The following PAX5 variants were observed in gnomAD, a reference collection of about 807,000 sequenced individuals.
PAX5 encodes paired box protein Pax-5.
A neutral mutation model predicts 43.7 loss-of-function variants in PAX5; 9 were observed. The ratio of observed to expected loss-of-function variants is 0.21; its 90% CI spans 0.12 to 0.36. PAX5 has a LOEUF of 0.36. PAX5 is among the 10% of genes least tolerant of loss of function. PAX5 has a pLI of 1.00. For synonymous variants in PAX5, 228 were observed against 214.3 expected, an observed-to-expected ratio of 1.06 and a Z score of -0.56; for missense variants, 383 against 532.7, an observed-to-expected ratio of 0.72 and a Z score of 2.77.
chr9:36,841,807 C>G (rs78531207), intron 9 of PAX5, among the ~76,000 whole-genome samples: 2 of 152,214 alleles, frequency 1.3e-5, no homozygotes, highest in Non-Finnish European at 2.9e-5. Context: ...ATGGGGCAAA[C>G]GCCAGCCTGA....
At chr9:36,875,239 C>G (rs1204912136) in intron 8 of PAX5, among the ~76,000 whole-genome samples, 1 of 152,256 alleles carries the variant, frequency 6.6e-6, no homozygotes, top group Admixed American at 6.5e-5. Context: ...CCTAGCGAAG[C>G]TCTCCTTGGC....
chr9:36,968,652 G>A (rs371358282), intron 5 of PAX5, among the ~76,000 whole-genome samples: 16 of 152,274 alleles, frequency 1.1e-4, no homozygotes, highest in African/African-American at 3.4e-4. Context: ...TCTGACCAAC[G>A]TTCCCCAGCC....
chr9:36,862,664 G>A (rs1441254495), intron 8 of PAX5, among the ~76,000 whole-genome samples: 2 of 152,184 alleles, frequency 1.3e-5, no homozygotes, highest in East Asian at 3.9e-4. Context: ...GCAGGTAGGT[G>A]GGCGGCTTTG....
Position 36,882,259 on chromosome 9 carries a change from A to AACACACAC in PAX5, c.911-155_911-154insGTGTGTGT, listed in dbSNP as rs956393793. ...CCCCTGTCGCTCACACGCTCTCACA[A>AACACACAC]ACACACATACACACACACACACACA... On this transcript the variant is annotated intron_variant, in intron 7 of 9. Transcript: ENST00000358127. The surrounding 1 kb of genome is among the most constrained non-coding windows in gnomAD (Gnocchi z 4.4). Among the ~76,000 whole-genome samples the AACACACAC allele has an allele frequency of 3.7e-5, 5 of 134,964 alleles. No homozygotes were observed. The highest frequency in any genetic ancestry group is 1.6e-4 in the African/African-American group (5 of 31,748). The allele number at this position is 134,964 out of a possible 152,430, so 88.5% of individuals were successfully genotyped here. A position where few individuals can be genotyped will look rare whatever the true frequency, so the allele number is the denominator to read the frequency against.
chr9:36,892,586 C>T (rs779907961), intron 7 of PAX5, among the ~76,000 whole-genome samples: 4 of 152,200 alleles, frequency 2.6e-5, no homozygotes, highest in African/African-American at 4.8e-5. Context: ...CTCACACACA[C>T]GATTGTTTCA....
chr9:36,883,043 G>C (rs1430381346), intron 7 of PAX5, among the ~76,000 whole-genome samples: 1 of 152,224 alleles, frequency 6.6e-6, no homozygotes, highest in African/African-American at 2.4e-5. Flanking sequence ...AGGCTGCCTG[G>C]TACAAGTGCT....
In PAX5 at chr9:36,836,160, C is replaced by T. The variant is rs1249618863; in HGVS notation, c.*4400G>A. ...GCCACATCTGAGTCTCTTCCCTGCACATGTGAAAGGTGCCCAAGCAGCACT... is the reference window on the plus strand; with the variant it reads ...GCCACATCTGAGTCTCTTCCCTGCATATGTGAAAGGTGCCCAAGCAGCACT... On this transcript the variant is annotated 3_prime_UTR_variant, in exon 10 of 10. Transcript: ENST00000358127. 1.3e-5 allele frequency: 3 copies of T among 233,404 alleles called. No homozygotes were observed. The highest frequency in any genetic ancestry group is 6.6e-5 in the African/African-American group (3 of 45,350). The allele number at this position is 233,404 out of a possible 1,614,324, so 14.5% of individuals were successfully genotyped here.
chr9:36,987,179 G>C lies in PAX5; in HGVS notation c.604+15469C>G, dbSNP rs3824343. On this transcript the variant is annotated intron_variant, in intron 5 of 9. Coordinates refer to ENST00000358127, the MANE Select transcript of PAX5 (RefSeq NM_016734.3). ...CTATACGCTGCATTCAGGGAAAGGCGCTGTGGAGGAATAAGAAAGGGAAAC... is the reference window on the plus strand; with the variant it reads ...CTATACGCTGCATTCAGGGAAAGGCCCTGTGGAGGAATAAGAAAGGGAAAC... Among the ~76,000 whole-genome samples the C allele has an allele frequency of 6.2e-4, 95 of 152,368 alleles. 1 individual carries two copies. The East Asian group carries it at 0.017, about 27-fold the overall frequency.
intron 7 of PAX5, among the ~76,000 whole-genome samples, chr9:36,901,190 G>T (rs1466090962): frequency 6.6e-6 from 1 of 151,964 alleles, no homozygotes; most frequent in Non-Finnish European, 1.5e-5. Flanking sequence ...CACCTGCAAG[G>T]TCTGCCCCCA....
chr9:36,994,848 A>G (rs1837252661), intron 5 of PAX5, among the ~76,000 whole-genome samples: 1 of 152,064 alleles, frequency 6.6e-6, no homozygotes, highest in African/African-American at 2.4e-5. Flanking sequence ...ACTAATTCAA[A>G]ATCATCATCA....
intron 9 of PAX5, among the ~76,000 whole-genome samples, chr9:36,842,120 G>A (rs982918287): frequency 6.6e-6 from 1 of 152,162 alleles, no homozygotes; most frequent in African/African-American, 2.4e-5. Context: ...CCAACCCCGT[G>A]CCTAAGTATT....
chr9:36,845,958 T>C (rs1253184770), intron 9 of PAX5, among the ~76,000 whole-genome samples: 2 of 152,234 alleles, frequency 1.3e-5, no homozygotes, highest in African/African-American at 4.8e-5. Context: ...GACCTTTTAC[T>C]GCTCGAAGTA....
At chr9:36,993,962 G>A (rs1487793614) in intron 5 of PAX5, among the ~76,000 whole-genome samples, 2 of 152,180 alleles carry the variant, frequency 1.3e-5, no homozygotes, top group Admixed American at 6.5e-5. Flanking sequence ...AGGGGCTGGG[G>A]CAAACCAGGT....
Position 37,002,071 on chromosome 9 carries a change from C to T in PAX5, c.604+577G>A, listed in dbSNP as rs886376801. Among the ~76,000 whole-genome samples the T allele has an allele frequency of 3.3e-5, 5 of 151,942 alleles. No individual in the cohort carries two copies. In the South Asian group the frequency reaches 1.0e-3, roughly 32 times the overall value. On this transcript the variant is annotated intron_variant, in intron 5 of 9. Coordinates refer to ENST00000358127, the MANE Select transcript of PAX5 (RefSeq NM_016734.3). ...TCTTTGTAATCCCCCCCAACACCCC[C>T]GCACTTCTTCCTTCCAGACCCAAGG...
intron 8 of PAX5, among the ~76,000 whole-genome samples, chr9:36,875,027 C>T (rs893088744): frequency 4.6e-5 from 7 of 152,154 alleles, no homozygotes; most frequent in African/African-American, 1.7e-4. Context: ...ATGTAACTTG[C>T]CCCAAGTCAC....
At chr9:37,017,990 G>A (rs112573657) in intron 2 of PAX5, among the ~76,000 whole-genome samples, 69 of 152,278 alleles carry the variant, frequency 4.5e-4, no homozygotes, top group Middle Eastern at 3.4e-3. Context: ...AATGTCCTTC[G>A]GTGCAAAGAG....
chr9:36,930,768 G>A (rs1359715915), intron 6 of PAX5: 3 of 1,097,100 alleles, frequency 2.7e-6, no homozygotes, highest in Non-Finnish European at 3.7e-6. Context: ...GGTAAGGAGA[G>A]GGACACCACT....
intron 7 of PAX5, among the ~76,000 whole-genome samples, chr9:36,886,201 G>A (rs772630713): frequency 1.3e-5 from 2 of 152,162 alleles, no homozygotes; most frequent in African/African-American, 2.4e-5. Flanking sequence ...AAGAATAAAC[G>A]ATTACTGTGT....
chr9:36,862,084 A>G (rs981733119), intron 8 of PAX5, among the ~76,000 whole-genome samples: 1 of 152,112 alleles, frequency 6.6e-6, no homozygotes, highest in Non-Finnish European at 1.5e-5. Flanking sequence ...AGGTGTGTGG[A>G]GGCAGCTGGT....
Sources: gnomAD v4.1 joint callset for allele counts (sites outside exome capture counted in the v4.1 genomes callset) on GRCh38, gnomAD v4.1.1 for gene constraint, Gnocchi (gnomAD v3.1) non-coding constraint, MANE v1.5 for transcripts, NCBI Gene and HGNC (gene_info 2026-07-23, HGNC 2026-07-21) for gene names.